The following TTC39C variants were observed in gnomAD, a reference collection of about 807,000 sequenced individuals.
TTC39C encodes the protein tetratricopeptide repeat domain 39C.
In TTC39C, 33 loss-of-function variants were observed where a neutral mutation model predicts 76.3. That is an observed-to-expected ratio of 0.43 (90% confidence interval 0.33 to 0.58). TTC39C has a LOEUF of 0.58. TTC39C is among the 20% of genes least tolerant of loss of function. The pLI is 0.04. For missense variants in TTC39C, 595 were observed against 701.4 expected (o/e 0.85, Z 1.71); for synonymous variants, 254 against 260.6 (o/e 0.97, Z 0.24).
In TTC39C at chr18:24,019,909, CA is replaced by C. The variant is rs1599240423; in HGVS notation, c.167+4874del. 7 of 1,524,450 alleles carry C rather than the reference CA, an allele frequency of 4.6e-6. No homozygotes were observed. The East Asian group carries it at 1.5e-4, about 32-fold the overall frequency. 94.4% of individuals were successfully genotyped at this position (1,524,450 alleles called of 1,614,324 possible). A position where few individuals can be genotyped will look rare whatever the true frequency, so the allele number is the denominator to read the frequency against. On this transcript the variant is annotated intron_variant, in intron 1 of 13. Transcript: ENST00000317571. Reference sequence around the variant, plus strand: ...AACCTCAGCGCTTCCTGGAGAAACTCAAAGGCGCTTGTAAGAGATGTTGAGT... The same window carrying C: ...AACCTCAGCGCTTCCTGGAGAAACTCAAGGCGCTTGTAAGAGATGTTGAGT...
chr18:24,116,167 C>T (rs1156396133), intron 7 of TTC39C, among the ~76,000 whole-genome samples: 1 of 152,228 alleles, frequency 6.6e-6, no homozygotes, highest in Non-Finnish European at 1.5e-5. Context: ...TTATTCCTGA[C>T]TTATTCCTGA....
intron 6 of TTC39C, among the ~76,000 whole-genome samples, chr18:24,093,206 G>A (rs929877808): frequency 1.3e-5 from 2 of 152,200 alleles, no homozygotes; most frequent in African/African-American, 2.4e-5. Flanking sequence ...TTGGCCGGGT[G>A]CAGTGGCTCA....
chr18:24,008,722 G>T (rs1406839736), intron 1 of TTC39C, among the ~76,000 whole-genome samples: 1 of 152,172 alleles, frequency 6.6e-6, no homozygotes, highest in Non-Finnish European at 1.5e-5. Context: ...TCATAAAGAC[G>T]CATGTACACA....
intron 8 of TTC39C, among the ~76,000 whole-genome samples, chr18:24,122,566 G>A (rs1029374844): frequency 6.7e-6 from 1 of 149,680 alleles, no homozygotes; most frequent in Non-Finnish European, 1.5e-5. Context: ...CAACTGGGGA[G>A]TGAAAAACCA....
chr18:24,064,943 C>G (rs1252448821), intron 2 of TTC39C, among the ~76,000 whole-genome samples: 1 of 152,180 alleles, frequency 6.6e-6, no homozygotes. Flanking sequence ...GTTAATGCAA[C>G]AAAAATGTTA....
At position 24,083,119 on chromosome 18, in the gene TTC39C, C is replaced by T. The variant is rs747305065; in HGVS notation, c.984+38C>T. ...CCTCATCTTTTTAAAATAAAGCCTC[C>T]GATGATCAAATCTCTGATTCTCACT... On this transcript the variant is annotated intron_variant, in intron 6 of 13. Transcript: ENST00000317571. 3.2e-5 allele frequency: 49 copies of T among 1,548,392 alleles called. 1 individual carries two copies. Among genetic ancestry groups the T allele is most frequent in the South Asian group, 1.7e-4 (14 of 80,762 alleles).
Position 24,015,048 on chromosome 18 carries a change from G to A in TTC39C, c.167+10G>A. The A allele has an allele frequency of 7.0e-7, 1 of 1,423,608 alleles. No individual in the cohort carries two copies. Among genetic ancestry groups the A allele is most frequent in the Non-Finnish European group, 9.3e-7 (1 of 1,080,496 alleles). 88.2% of individuals were successfully genotyped at this position (1,423,608 alleles called of 1,614,324 possible). A position where few individuals can be genotyped will look rare whatever the true frequency, so the allele number is the denominator to read the frequency against. On this transcript the variant is annotated intron_variant, in intron 1 of 13. Transcript: ENST00000317571. ...TTTTCAAACAATACAGGTGACCCAC[G>A]CGTCCCCGATTCCCCAACCCTGCAG...
chr18:23,996,431 C>T (rs974180031), intron 1 of TTC39C, among the ~76,000 whole-genome samples: 3 of 152,220 alleles, frequency 2.0e-5, no homozygotes, highest in African/African-American at 7.2e-5. Context: ...AGTGTGGGCA[C>T]TGGCTAATTA....
chr18:24,076,736 A>C (rs2084312166), intron 4 of TTC39C: 1 of 152,148 alleles, frequency 6.6e-6, no homozygotes, highest in South Asian at 2.1e-4. Context: ...CTCAGTCAAA[A>C]ACGTTGGGTT....
At position 24,134,865 on chromosome 18, in the gene TTC39C, C is replaced by T. The variant is rs1020711626; in HGVS notation, c.*2291C>T. ...CTGCTTAAAAAAAATACTTTTATTT[C>T]CCCACAGAGAGTTCAGGACTTCAGA... On this transcript the variant is annotated 3_prime_UTR_variant, in exon 14 of 14. Coordinates refer to ENST00000317571, the MANE Select transcript of TTC39C (RefSeq NM_001135993.2). 6.6e-6 allele frequency: 1 copy of T among 152,096 alleles called. No homozygotes were observed. Among genetic ancestry groups the T allele is most frequent in the Non-Finnish European group, 1.5e-5 (1 of 68,022 alleles). 9.4% of individuals were successfully genotyped at this position (152,096 alleles called of 1,614,324 possible).
At chr18:24,072,985 T>C (rs1365813766) in intron 4 of TTC39C, among the ~76,000 whole-genome samples, 1 of 152,252 alleles carries the variant, frequency 6.6e-6, no homozygotes, top group Non-Finnish European at 1.5e-5. Flanking sequence ...AACCAGGGCC[T>C]GAGCCATGGT....
Position 24,134,048 on chromosome 18 carries a change from A to G in TTC39C, c.*1474A>G, listed in dbSNP as rs1275484192. 1.3e-5 allele frequency: 2 copies of G among 154,390 alleles called. No homozygotes were observed. Among genetic ancestry groups the G allele is most frequent in the East Asian group, 1.9e-4 (1 of 5,194 alleles). 9.6% of individuals were successfully genotyped at this position (154,390 alleles called of 1,614,324 possible). On this transcript the variant is annotated 3_prime_UTR_variant, in exon 14 of 14. Coordinates refer to ENST00000317571, the MANE Select transcript of TTC39C (RefSeq NM_001135993.2). ...TATTTCTCACTGATTTTGGCTAAAC[A>G]GTATTCATATTTCTTCATCTCTGTT...
chr18:24,050,797 G>A (rs545271175), intron 1 of TTC39C, among the ~76,000 whole-genome samples: 3 of 151,764 alleles, frequency 2.0e-5, no homozygotes, highest in African/African-American at 4.8e-5. Context: ...GCTTGAACCC[G>A]GGATGCGAAA....
chr18:24,101,451 C>T (rs1331352500), intron 6 of TTC39C, among the ~76,000 whole-genome samples: 5 of 151,948 alleles, frequency 3.3e-5, no homozygotes, highest in Admixed American at 2.6e-4. Flanking sequence ...TACTAAAACT[C>T]AGAAAGCTGA....
At chr18:24,019,041 A>C (rs2083489099) in intron 1 of TTC39C, among the ~76,000 whole-genome samples, 1 of 152,186 alleles carries the variant, frequency 6.6e-6, no homozygotes, top group Non-Finnish European at 1.5e-5. Flanking sequence ...TTGGGACTTC[A>C]GGATCCTAAC....
intron 8 of TTC39C, among the ~76,000 whole-genome samples, chr18:24,123,396 T>G (rs1442321058): frequency 1.0e-4 from 12 of 116,196 alleles, no homozygotes; most frequent in Admixed American, 7.4e-4. Flanking sequence ...TTTGTTTGTT[T>G]GTTTGTTTGT....
chr18:24,098,415 T>A (rs1742195790), intron 6 of TTC39C, among the ~76,000 whole-genome samples: 1 of 96,436 alleles, frequency 1.0e-5, no homozygotes, highest in East Asian at 3.5e-4. Flanking sequence ...CCTCCCTCCC[T>A]CCTTCCTTCC....
In TTC39C at chr18:24,004,693, A is replaced by G. The variant is rs554492129; in HGVS notation, c.-17+11655A>G. 9.6e-4 allele frequency among the ~76,000 whole-genome samples: 146 copies of G among 152,328 alleles called. 1 individual carries two copies. Among genetic ancestry groups the G allele is most frequent in the African/African-American group, 3.3e-3 (139 of 41,566 alleles). ...ATTCTGAGTTTAATATAATAATACAACTGTTCCTAGGCAAGGATGTGAGCA... is the reference window on the plus strand; with the variant it reads ...ATTCTGAGTTTAATATAATAATACAGCTGTTCCTAGGCAAGGATGTGAGCA... On this transcript the variant is annotated intron_variant, in intron 1 of 13. Transcript: ENST00000304621.
intron 4 of TTC39C, among the ~76,000 whole-genome samples, chr18:24,073,048 T>A (rs1479858471): frequency 6.6e-6 from 1 of 152,184 alleles, no homozygotes; most frequent in African/African-American, 2.4e-5. Flanking sequence ...CCCACCTTAG[T>A]TTGGTTACTT....
Sources: allele counts gnomAD v4.1 joint callset (sites outside exome capture counted in the v4.1 genomes callset), GRCh38; gene constraint gnomAD v4.1.1; transcripts MANE v1.5; gene names NCBI Gene and HGNC (gene_info 2026-07-23, HGNC 2026-07-21).